AAGAB: variants seen among roughly 807,000 people sequenced by gnomAD.
AAGAB encodes the protein alpha- and gamma-adaptin-binding protein p34.
AAGAB carries 38 observed loss-of-function variants against 44.1 expected under a neutral mutation model. The ratio of observed to expected loss-of-function variants is 0.86; its 90% CI spans 0.67 to 1.13. The LOEUF (loss-of-function observed/expected upper bound fraction) is 1.13. Ranked by LOEUF, AAGAB falls within the 50% of genes most tolerant of loss-of-function variation. The probability of loss-of-function intolerance (pLI) is 0.00; values close to 1 mark genes in which losing one functional copy is unlikely to be tolerated. For synonymous variants in AAGAB, 131 were observed against 131.8 expected, an observed-to-expected ratio of 0.99 and a Z score of 0.04; for missense variants, 450 against 373.8, an observed-to-expected ratio of 1.20 and a Z score of -1.68.
At chr15:67,228,985 A>G (rs1222255306) in intron 5 of AAGAB, among the ~76,000 whole-genome samples, 1 of 152,140 alleles carries the variant, frequency 6.6e-6, no homozygotes, top group East Asian at 1.9e-4. Flanking sequence ...ACTTGAGGGG[A>G]GACAGTAGGA....
chr15:67,233,116 T>C lies in AAGAB; in HGVS notation c.452-1219A>G, dbSNP rs117007644. ...CCTGAAGGCAGGAACAGTCCTCTTA[T>C]TAACAGTATGTTATAAAATCATGTA... is the stretch of plus-strand genomic sequence containing the variant. On this transcript the variant is annotated intron_variant, in intron 4 of 9. Coordinates refer to ENST00000261880, the MANE Select transcript of AAGAB (RefSeq NM_024666.5). Among the ~76,000 whole-genome samples, 377 of 152,320 alleles carry C rather than the reference T, an allele frequency of 2.5e-3. 3 individuals are homozygous for C. Among genetic ancestry groups the C allele is most frequent in the Non-Finnish European group, 3.9e-3 (263 of 68,016 alleles).
At chr15:67,245,876 C>A (rs1258170285) in intron 1 of AAGAB, among the ~76,000 whole-genome samples, 1 of 152,124 alleles carries the variant, frequency 6.6e-6, no homozygotes, top group Non-Finnish European at 1.5e-5. Flanking sequence ...AAAATTCAGA[C>A]AGAACAGCCA....
At chr15:67,214,308 A>C (rs879890438) in intron 5 of AAGAB, among the ~76,000 whole-genome samples, 1 of 152,246 alleles carries the variant, frequency 6.6e-6, no homozygotes, top group Non-Finnish European at 1.5e-5. Context: ...CTAACTGTTC[A>C]CAGCCCAGCC....
chr15:67,224,140 A>C (rs1964146212), intron 5 of AAGAB, among the ~76,000 whole-genome samples: 1 of 152,222 alleles, frequency 6.6e-6, no homozygotes, highest in Non-Finnish European at 1.5e-5. Context: ...CCAGAATGAA[A>C]GCTCCTAAGG....
At chr15:67,217,694 C>T (rs749578387) in intron 5 of AAGAB, among the ~76,000 whole-genome samples, 1 of 152,138 alleles carries the variant, frequency 6.6e-6, no homozygotes, top group Admixed American at 6.5e-5. Context: ...CCCACCACCA[C>T]GCCCAGCTAA....
chr15:67,243,682 T>C (rs1202190668), intron 1 of AAGAB, among the ~76,000 whole-genome samples: 1 of 152,196 alleles, frequency 6.6e-6, no homozygotes, highest in Non-Finnish European at 1.5e-5. Context: ...AAAGAAACCT[T>C]ATGGAATTTA....
intron 1 of AAGAB, among the ~76,000 whole-genome samples, chr15:67,251,981 GTTC>G (rs1039814146): frequency 2.0e-5 from 3 of 152,136 alleles, no homozygotes; most frequent in Admixed American, 6.6e-5. Flanking sequence ...CTCACTAGCT[GTTC>G]TTCTTTTATT....
intron 4 of AAGAB, chr15:67,232,797 C>G (rs955887059): frequency 4.9e-6 from 1 of 204,802 alleles, no homozygotes. Context: ...GGTAGGCAGA[C>G]AGCAAAGGCC....
chr15:67,204,238 A>C, intron 7 of AAGAB, 90 bp from the exon 8 acceptor site: 1 of 879,352 alleles, frequency 1.1e-6, no homozygotes. Context: ...ACCTTGATGA[A>C]GTCACCAATG....
At chr15:67,241,383 T>A in intron 1 of AAGAB, among the ~76,000 whole-genome samples, 1 of 152,202 alleles carries the variant, frequency 6.6e-6, no homozygotes, top group Non-Finnish European at 1.5e-5. Flanking sequence ...CTTCTCAGAA[T>A]GCAAAGTTGG....
chr15:67,246,042 T>C (rs1401454419), intron 1 of AAGAB, among the ~76,000 whole-genome samples: 2 of 152,200 alleles, frequency 1.3e-5, no homozygotes, highest in African/African-American at 2.4e-5. Context: ...AAACTCTAAA[T>C]AGGTTTTTGT....
chr15:67,228,995 A>G (rs1397135426), intron 5 of AAGAB, among the ~76,000 whole-genome samples: 1 of 152,176 alleles, frequency 6.6e-6, no homozygotes, highest in Non-Finnish European at 1.5e-5. Context: ...AGACAGTAGG[A>G]GGAGGGTGAG....
chr15:67,209,370 G>C (rs1206063488), intron 6 of AAGAB, 92 bp downstream of exon 6: 7 of 1,108,974 alleles, frequency 6.3e-6, no homozygotes, highest in Middle Eastern at 2.0e-4. Context: ...CTTTTAAATG[G>C]AAAGGAAAAC....
intron 5 of AAGAB, among the ~76,000 whole-genome samples, chr15:67,222,080 T>A (rs779079151): frequency 3.3e-5 from 5 of 152,186 alleles, no homozygotes; most frequent in African/African-American, 1.2e-4. Flanking sequence ...CCCACTCCAA[T>A]TGACTTCCAC....
At chr15:67,205,482 G>A (rs1963664409) in intron 7 of AAGAB, among the ~76,000 whole-genome samples, 1 of 152,148 alleles carries the variant, frequency 6.6e-6, no homozygotes, top group Non-Finnish European at 1.5e-5. Flanking sequence ...TTTAAATGCA[G>A]CAATGAAGAA....
At position 67,202,783 on chromosome 15, in the gene AAGAB, G is replaced by C. The variant is rs768718825; in HGVS notation, c.*38C>G. On this transcript the variant is annotated 3_prime_UTR_variant, in exon 10 of 10. Transcript: ENST00000261880. ...TGAGTAGAGAGGTATCTCAGAGACA[G>C]CTAGCATCTTTGTTGGTCAAACCCT... 15 of 1,598,164 alleles carry C rather than the reference G, an allele frequency of 9.4e-6. No homozygotes were observed. Among genetic ancestry groups the C allele is most frequent in the Non-Finnish European group, 1.3e-5 (15 of 1,165,506 alleles).
chr15:67,209,648 T>TG, intron 5 of AAGAB, 104 bp from the exon 6 acceptor site: 1 of 866,206 alleles, frequency 1.2e-6, no homozygotes, highest in South Asian at 1.5e-5. Context: ...ACCAAAGTTC[T>TG]AACTACATAT....
intron 1 of AAGAB, among the ~76,000 whole-genome samples, chr15:67,246,383 T>G (rs957496975): frequency 1.6e-5 from 2 of 128,586 alleles, no homozygotes; most frequent in Admixed American, 8.1e-5. Flanking sequence ...CAGAGGAAGA[T>G]CCTGTCTCAA....
chr15:67,255,132 C>T, upstream of AAGAB: 1 of 640,632 alleles, frequency 1.6e-6, no homozygotes, highest in East Asian at 2.7e-5. Flanking sequence ...CTCCCGGTGA[C>T]TTACCCTGTA....
Sources: allele counts gnomAD v4.1 joint callset (sites outside exome capture counted in the v4.1 genomes callset), GRCh38; gene constraint gnomAD v4.1.1; transcripts MANE v1.5; gene names NCBI Gene and HGNC (gene_info 2026-07-23, HGNC 2026-07-21).